The following GSTA2 variants were observed in gnomAD, a reference collection of about 807,000 sequenced individuals.
GSTA2 encodes the protein glutathione S-transferase alpha 2, also known as glutathione S-transferase A2.
GSTA2 carries 27 observed loss-of-function variants against 22.4 expected under a neutral mutation model. The observed-to-expected ratio is 1.21, with a 90% CI of 0.89 to 1.67. The LOEUF is 1.67. GSTA2 is among the 40% of genes most tolerant of loss of function. The pLI is 0.00. For missense variants in GSTA2, 302 were observed against 260.2 expected (o/e 1.16, Z -1.11); for synonymous variants, 121 against 86.8 (o/e 1.39, Z -2.19).
At chr6:52,753,100 A>G (rs1481123098) in intron 4 of GSTA2, 105 bp from the exon 5 acceptor site, 1 of 1,069,842 alleles carries the variant, frequency 9.3e-7, no homozygotes, top group Non-Finnish European at 1.3e-6. Context: ...AAAATAATTC[A>G]CCTCCAATGA....
At chr6:52,751,170 A>C (rs1581770435) in intron 6 of GSTA2, among the ~76,000 whole-genome samples, 1 of 152,162 alleles carries the variant, frequency 6.6e-6, no homozygotes, top group Admixed American at 6.5e-5. Flanking sequence ...GAGAGGAACA[A>C]AATGTCTGAC....
chr6:52,761,992 G>A (rs1762959016), intron 1 of GSTA2, among the ~76,000 whole-genome samples: 1 of 146,320 alleles, frequency 6.8e-6, no homozygotes, highest in Non-Finnish European at 1.5e-5. Flanking sequence ...AACATGTACT[G>A]TGTGGACTCA....
chr6:52,762,538 G>A (rs557580898), intron 1 of GSTA2, among the ~76,000 whole-genome samples: 8 of 152,262 alleles, frequency 5.3e-5, no homozygotes, highest in African/African-American at 1.4e-4. Flanking sequence ...GTTTGTTCAC[G>A]TTTTCCTGCT....
In GSTA2 at chr6:52,751,681, G is replaced by T. The variant is rs1762741936; in HGVS notation, c.442C>A (p.Leu148Ile). 6.2e-7 allele frequency: 1 copy of T among 1,614,138 alleles called. No individual in the cohort carries two copies. The highest frequency in any genetic ancestry group is 1.3e-5 in the African/African-American group (1 of 75,050). The part of the protein sequence containing the change: ...KVLKSHGQDY[L>I]VGNKLSRADI... ...GCCCGGCTCAGCTTGTTGCCAACAAGGTAGTCTTGTCCGTGGCTCTTTAAG... is the reference window on the plus strand; with the variant it reads ...GCCCGGCTCAGCTTGTTGCCAACAATGTAGTCTTGTCCGTGGCTCTTTAAG... The change falls in exon 6 of 7, where the codon CTT (leucine) becomes ATT (isoleucine). Residue 148 changes from leucine to isoleucine, a missense_variant. Leu to Ile is a conservative substitution (Grantham distance 5). Coordinates refer to ENST00000493422, the MANE Select transcript of GSTA2 (RefSeq NM_000846.5).
intron 1 of GSTA2, among the ~76,000 whole-genome samples, chr6:52,759,563 G>GTTTTTTTTTTTTTTTTT (rs70977382): frequency 5.9e-5 from 2 of 34,164 alleles, no homozygotes; most frequent in Non-Finnish European, 1.2e-4. Context: ...GTATTTATTT[G>GTTTTTTTTTTTTTTTTT]TTTTTTTTTT....
In GSTA2 at chr6:52,751,586, A is replaced by T; in HGVS notation, c.537T>A (p.Pro179=). Residue 179 remains proline, a synonymous_variant, in exon 6 of 7, where the codon CCT becomes CCA. Transcript: ENST00000493422. The part of the protein sequence containing the change: ...ELDSSLISSF[P]LLKALKTRIS... ...CTGTGAAATGGGTCACCTTCAGCAG[A>T]GGGAAGCTGGAAATAAGGCTAGAGT... 3.7e-6 allele frequency: 6 copies of T among 1,614,066 alleles called. No individual in the cohort carries two copies. The highest frequency in any genetic ancestry group is 5.1e-6 in the Non-Finnish European group (6 of 1,179,976).
chr6:52,757,878 C>G lies in GSTA2; in HGVS notation c.70G>C (p.Ala24Pro), dbSNP rs753628476. ...GAACCTACCTCTACTCCAGCTGCAGCCAGGAGCCACCGGATGGACTCCATT... is the reference window on the plus strand; with the variant it reads ...GAACCTACCTCTACTCCAGCTGCAGGCAGGAGCCACCGGATGGACTCCATT... Reference protein sequence around the residue: ...GRMESIRWLLAAAGVEFEEKF... With the variant: ...GRMESIRWLLPAAGVEFEEKF... The change falls in exon 2 of 7, where the codon GCT (alanine) becomes CCT (proline). Residue 24 changes from alanine (A) to proline (P), a missense_variant. Transcript: ENST00000493422. The G allele has an allele frequency of 6.2e-7, 1 of 1,613,426 alleles. No homozygotes were observed. Among genetic ancestry groups the G allele is most frequent in the Non-Finnish European group, 8.5e-7 (1 of 1,179,562 alleles).
At chr6:52,750,747 G>A (rs772038486) in intron 6 of GSTA2, 48 bp from the exon 7 acceptor site, 2 of 1,603,222 alleles carry the variant, frequency 1.2e-6, no homozygotes, top group Non-Finnish European at 1.7e-6. Flanking sequence ...GTCAAGGGCT[G>A]ACACCCCCAT....
At chr6:52,757,817 C>A (rs370577047) in intron 2 of GSTA2, 44 bp downstream of exon 2, 5 of 1,501,724 alleles carry the variant, frequency 3.3e-6, no homozygotes, top group Non-Finnish European at 4.6e-6. Context: ...TATGTGATAA[C>A]GCAATCGTAA....
In GSTA2 at chr6:52,750,851, G is replaced by T. The variant is rs1262300313; in HGVS notation, c.547-152C>A. On this transcript the variant is annotated intron_variant, in intron 6 of 6. Transcript: ENST00000493422. The stretch of plus-strand genomic sequence containing the variant: ...GCAGAAACAGACACCCAGTGAGAAA[G>T]GAAGATAAGAGGAAGAACATGTAGC... The T allele has an allele frequency of 9.0e-6, 8 of 884,012 alleles. No individual in the cohort carries two copies. The Admixed American group carries it at 2.2e-4, about 25-fold the overall frequency. The allele number at this position is 884,012 out of a possible 1,614,324, so 54.8% of individuals were successfully genotyped here.
chr6:52,751,838 G>C, intron 5 of GSTA2, 130 bp from the exon 6 acceptor site: 1 of 1,310,146 alleles, frequency 7.6e-7, no homozygotes, highest in Non-Finnish European at 1.1e-6. Context: ...GAAATCCCGA[G>C]CTTTCTCCAC....
At chr6:52,753,102 C>T in intron 4 of GSTA2, 107 bp from the exon 5 acceptor site, 2 of 1,047,774 alleles carry the variant, frequency 1.9e-6, no homozygotes, top group Non-Finnish European at 1.4e-6. Flanking sequence ...AATAATTCAC[C>T]TCCAATGAGT....
At chr6:52,758,150 T>C (rs1267188468) in intron 1 of GSTA2, among the ~76,000 whole-genome samples, 173 bp from the exon 2 acceptor site, 1 of 152,188 alleles carries the variant, frequency 6.6e-6, no homozygotes, top group East Asian at 1.9e-4. Flanking sequence ...TACCCAGCAG[T>C]GGCCACCCTC....
Position 52,759,563 on chromosome 6 carries a change from G to GTTTTTTTTTTTTT in GSTA2, c.-30-1599_-30-1587dup, listed in dbSNP as rs70977382. 4.4e-4 allele frequency among the ~76,000 whole-genome samples: 15 copies of GTTTTTTTTTTTTT among 34,196 alleles called. 5 individuals carry two copies. The highest frequency in any genetic ancestry group is 8.7e-4 in the African/African-American group (10 of 11,558). The allele number at this position is 34,196 out of a possible 152,430, so 22.4% of individuals were successfully genotyped here. A position where few individuals can be genotyped will look rare whatever the true frequency, so the allele number is the denominator to read the frequency against. ...CCTTTAACAACTAATGTATTTATTTGTTTTTTTTTTTTTTTTTTTTTTTTT... is the reference window on the plus strand; with the variant it reads ...CCTTTAACAACTAATGTATTTATTTGTTTTTTTTTTTTTTTTTTTTTTTTTTTTTTTTTTTTTT... On this transcript the variant is annotated intron_variant, in intron 1 of 6. Transcript: ENST00000493422.
At chr6:52,759,157 T>C (rs1762904280) in intron 1 of GSTA2, among the ~76,000 whole-genome samples, 1 of 152,212 alleles carries the variant, frequency 6.6e-6, no homozygotes, top group Non-Finnish European at 1.5e-5. Flanking sequence ...GTAAGTAATG[T>C]TTCATGAGTT....
chr6:52,752,823 G>C, intron 5 of GSTA2, 31 bp downstream of exon 5: 1 of 1,612,762 alleles, frequency 6.2e-7, no homozygotes, highest in Non-Finnish European at 8.5e-7. Context: ...TCTAAACTCA[G>C]TTCCCCAAAA....
intron 5 of GSTA2, 22 bp downstream of exon 5, chr6:52,752,832 A>C: frequency 5.6e-6 from 9 of 1,613,222 alleles, no homozygotes; most frequent in Non-Finnish European, 7.6e-6. Context: ...AGTTCCCCAA[A>C]ACACTGAACA....
intron 1 of GSTA2, among the ~76,000 whole-genome samples, chr6:52,758,961 A>G (rs1356804777): frequency 6.6e-6 from 1 of 152,226 alleles, no homozygotes. Context: ...ACTTGCTCAG[A>G]GTAAATGATA....
At chr6:52,759,676 C>A (rs1348197786) in intron 1 of GSTA2, among the ~76,000 whole-genome samples, 1 of 132,738 alleles carries the variant, frequency 7.5e-6, no homozygotes, top group Non-Finnish European at 1.5e-5. Context: ...CCTCAGCTTC[C>A]CAGGTTCAAG....
Sources: gnomAD v4.1 joint callset for allele counts (sites outside exome capture counted in the v4.1 genomes callset) on GRCh38, gnomAD v4.1.1 for gene constraint, MANE v1.5 for transcripts, NCBI Gene and HGNC (gene_info 2026-07-23, HGNC 2026-07-21) for gene names.